The following ARB2A variants were observed in gnomAD, a reference collection of about 807,000 sequenced individuals.
The protein encoded by ARB2A is cotranscriptional regulator ARB2A.
the ARB2A span, among the ~76,000 whole-genome samples, chr5:93,711,538 G>C: frequency 6.6e-6 from 1 of 152,150 alleles, no homozygotes; most frequent in Non-Finnish European, 1.5e-5. Flanking sequence ...GACTTCCGAA[G>C]ATGGCAAGTG....
At chr5:93,654,576 A>G in the ARB2A span, among the ~76,000 whole-genome samples, 1 of 152,146 alleles carries the variant, frequency 6.6e-6, no homozygotes, top group Non-Finnish European at 1.5e-5. Flanking sequence ...TCCTTTTAGC[A>G]TACTATGTTT....
At chr5:93,945,606 T>C in the ARB2A span, among the ~76,000 whole-genome samples, 7 of 151,996 alleles carry the variant, frequency 4.6e-5, no homozygotes, top group African/African-American at 1.7e-4. Flanking sequence ...AAAGAAAAAG[T>C]AGGCAATCTC....
At chr5:93,939,227 T>C in the ARB2A span, among the ~76,000 whole-genome samples, 1 of 152,180 alleles carries the variant, frequency 6.6e-6, no homozygotes, top group Non-Finnish European at 1.5e-5. Flanking sequence ...TACACATATT[T>C]CCATGCATGT....
At chr5:93,996,584 T>G in the ARB2A span, among the ~76,000 whole-genome samples, 2 of 152,088 alleles carry the variant, frequency 1.3e-5, no homozygotes, top group Non-Finnish European at 2.9e-5. Flanking sequence ...CATCCTGCAT[T>G]CAGGGCAACT....
At chr5:93,959,655 T>C in the ARB2A span, among the ~76,000 whole-genome samples, 1 of 152,178 alleles carries the variant, frequency 6.6e-6, no homozygotes. Flanking sequence ...CACAGGATTA[T>C]ATAACAATTA....
the ARB2A span, among the ~76,000 whole-genome samples, chr5:93,852,070 A>T: frequency 6.6e-6 from 1 of 152,196 alleles, no homozygotes; most frequent in African/African-American, 2.4e-5. Context: ...AGTCCCAACA[A>T]CAGTGTAAAA....
chr5:93,921,436 T>A, the ARB2A span, among the ~76,000 whole-genome samples: 1 of 152,088 alleles, frequency 6.6e-6, no homozygotes, highest in African/African-American at 2.4e-5. Context: ...TAGAAAGAGG[T>A]CTGGCTTTAG....
chr5:94,024,227 G>A, the ARB2A span, among the ~76,000 whole-genome samples: 2 of 152,190 alleles, frequency 1.3e-5, no homozygotes, highest in Admixed American at 1.3e-4. Context: ...GTTTTTTTGA[G>A]TCAAGCAGAT....
chr5:94,059,141 G>A, the ARB2A span, among the ~76,000 whole-genome samples: 6 of 150,964 alleles, frequency 4.0e-5, no homozygotes, highest in African/African-American at 1.5e-4. Flanking sequence ...TCATAGCAAT[G>A]CAAACAGACA....
the ARB2A span, among the ~76,000 whole-genome samples, chr5:93,974,882 C>T: frequency 6.6e-6 from 1 of 152,146 alleles, no homozygotes; most frequent in Non-Finnish European, 1.5e-5. Flanking sequence ...TCTTGAATGA[C>T]TTCTGGATAA....
the ARB2A span, among the ~76,000 whole-genome samples, chr5:93,921,058 A>G: frequency 3.3e-5 from 5 of 152,028 alleles, no homozygotes; most frequent in Non-Finnish European, 7.4e-5. Context: ...ATGACATTAC[A>G]AGAAAAAGTT....
chr5:93,730,810 A>T, the ARB2A span, among the ~76,000 whole-genome samples: 1 of 152,182 alleles, frequency 6.6e-6, no homozygotes, highest in African/African-American at 2.4e-5. Context: ...TTTTCTTCCT[A>T]AGTGAGACTC....
chr5:93,819,160 T>C, the ARB2A span, among the ~76,000 whole-genome samples: 1 of 108,304 alleles, frequency 9.2e-6, no homozygotes, highest in Non-Finnish European at 1.7e-5. Context: ...CACTCCAGCC[T>C]GGGCGACAGA....
the ARB2A span, among the ~76,000 whole-genome samples, chr5:93,634,715 C>T: frequency 7.2e-5 from 11 of 152,066 alleles, no homozygotes; most frequent in Non-Finnish European, 1.3e-4. Flanking sequence ...CTGACTTGGC[C>T]GAACTTTAAA....
At chr5:93,672,576 G>A in the ARB2A span, among the ~76,000 whole-genome samples, 1 of 151,920 alleles carries the variant, frequency 6.6e-6, no homozygotes, top group Admixed American at 6.6e-5. Context: ...CCAAAGTGCT[G>A]GGATTACAGC....
the ARB2A span, among the ~76,000 whole-genome samples, chr5:93,755,581 G>A: frequency 1.3e-5 from 2 of 152,216 alleles, no homozygotes; most frequent in African/African-American, 4.8e-5. Flanking sequence ...AAGCGGGAAA[G>A]GGAGAGCCTC....
the ARB2A span, among the ~76,000 whole-genome samples, chr5:94,062,046 TAA>T: frequency 6.6e-6 from 1 of 152,164 alleles, no homozygotes; most frequent in Non-Finnish European, 1.5e-5. Flanking sequence ...CTACTGTAAT[TAA>T]GAGAGTGTGG....
the ARB2A span, among the ~76,000 whole-genome samples, chr5:93,777,851 C>T: frequency 2.6e-5 from 4 of 152,050 alleles, no homozygotes; most frequent in African/African-American, 9.7e-5. Flanking sequence ...CAATAAAGGC[C>T]GAGGAATGGC....
the ARB2A span, among the ~76,000 whole-genome samples, chr5:94,028,906 C>T: frequency 5.9e-5 from 9 of 152,014 alleles, no homozygotes; most frequent in African/African-American, 2.2e-4. Flanking sequence ...TAATTCTTTC[C>T]CAATTGCCCC....
Sources: allele counts gnomAD v4.1 joint callset (sites outside exome capture counted in the v4.1 genomes callset), GRCh38; gene constraint gnomAD v4.1.1; transcripts MANE v1.5; gene names NCBI Gene and HGNC (gene_info 2026-07-23, HGNC 2026-07-21).